Variants in LIFR observed in about 807,000 individuals in gnomAD.
LIFR encodes the protein leukemia inhibitory factor receptor.
Under a neutral mutation model 122.2 loss-of-function variants are expected in LIFR, and 84 were observed. The ratio of observed to expected loss-of-function variants is 0.69; its 90% CI spans 0.58 to 0.82. LIFR has a LOEUF of 0.82. LIFR is among the 40% of genes least tolerant of loss of function. The probability of loss-of-function intolerance (pLI) is 0.00; values close to 1 mark genes in which losing one functional copy is unlikely to be tolerated. For missense variants in LIFR, 1,294 were observed against 1,311.6 expected, an observed-to-expected ratio of 0.99 and a Z score of 0.21; for synonymous variants, 422 against 434.7, an observed-to-expected ratio of 0.97 and a Z score of 0.36.
chr5:38,515,700 G>T (rs1250692310), intron 5 of LIFR, among the ~76,000 whole-genome samples: 5 of 152,066 alleles, frequency 3.3e-5, no homozygotes, highest in Admixed American at 6.6e-5. Flanking sequence ...GTTATTTGGA[G>T]AAATGAAGAT....
At chr5:38,588,421 TTC>T (rs1749818398) in intron 1 of LIFR, among the ~76,000 whole-genome samples, 1 of 152,218 alleles carries the variant, frequency 6.6e-6, no homozygotes, top group Admixed American at 6.5e-5. Context: ...TGTCTAATCA[TTC>T]CCCGTGGCTT....
chr5:38,556,881 C>A (rs1354840980), upstream of LIFR: 1 of 151,702 alleles, frequency 6.6e-6, no homozygotes, highest in African/African-American at 2.4e-5. Context: ...GTGGTGAGGC[C>A]GCTCTCAGAA....
chr5:38,482,783 G>A, intron 18 of LIFR, 116 bp from the exon 19 acceptor site: 2 of 492,146 alleles, frequency 4.1e-6, no homozygotes, highest in South Asian at 7.7e-5. Context: ...GCACATCTGA[G>A]ATTAAAATGG....
intron 1 of LIFR, among the ~76,000 whole-genome samples, chr5:38,568,375 A>G (rs1183960407): frequency 6.6e-6 from 1 of 152,152 alleles, no homozygotes; most frequent in Non-Finnish European, 1.5e-5. Flanking sequence ...TGGGGGACCA[A>G]CAGGCACATG....
intron 7 of LIFR, among the ~76,000 whole-genome samples, chr5:38,507,574 A>AT (rs1466307390): frequency 6.6e-6 from 1 of 151,800 alleles, no homozygotes; most frequent in South Asian, 2.1e-4. Context: ...AAAAAAAAAA[A>AT]AAAAAAAAGT....
chr5:38,533,458 G>C (rs1006252322), intron 1 of LIFR, among the ~76,000 whole-genome samples: 1 of 152,142 alleles, frequency 6.6e-6, no homozygotes, highest in Non-Finnish European at 1.5e-5. Flanking sequence ...ACGGGCCCCT[G>C]AGCTTTTAAA....
intron 13 of LIFR, 117 bp from the exon 14 acceptor site, chr5:38,493,902 T>C: frequency 1.2e-6 from 1 of 824,110 alleles, no homozygotes; most frequent in East Asian, 2.6e-5. Context: ...TATAAAATAG[T>C]GCTCAAACTA....
rs560124949 is a variant in LIFR at position 38,480,130 on chromosome 5, C to CAA, written c.*1463_*1464dup. 6.9e-4 allele frequency: 156 copies of CAA among 225,208 alleles called. No homozygotes were observed. Among genetic ancestry groups the CAA allele is most frequent in the African/African-American group, 3.2e-3 (140 of 43,290 alleles). The allele number at this position is 225,208 out of a possible 1,614,324, so 14.0% of individuals were successfully genotyped here. ...AGATGATAAAAAACAAACAAACAACCAAAAAAAACAAACAAAAAAGACATA... is the reference window on the plus strand; with the variant it reads ...AGATGATAAAAAACAAACAAACAACCAAAAAAAAAACAAACAAAAAAGACATA... On this transcript the variant is annotated 3_prime_UTR_variant, in exon 20 of 20. Coordinates refer to ENST00000453190, the MANE Select transcript of LIFR (RefSeq NM_001127671.2).
At chr5:38,585,479 G>T (rs1749717491) in intron 1 of LIFR, among the ~76,000 whole-genome samples, 1 of 152,146 alleles carries the variant, frequency 6.6e-6, no homozygotes, top group Non-Finnish European at 1.5e-5. Context: ...AACATAATTT[G>T]GGCATAAAAG....
rs760139333 is a variant in LIFR, at chr5:38,489,117, C to T, written c.2296G>A (p.Gly766Arg). ...LRGYLFYFGK[G>R]ERDTSKMRVL... is the part of the protein sequence containing the mutation. The stretch of plus-strand genomic sequence containing the variant: ...CTCATCTTAGATGTGTCTCTTTCTC[C>T]TTTTCCAAAGTAAAACAAATATCCT... Residue 766 changes from glycine (G) to arginine (R), a missense_variant, in exon 16 of 20, where the codon GGA (glycine) becomes AGA (arginine). By Grantham distance (125) the Gly-to-Arg change is moderately radical. Coordinates refer to ENST00000453190, the MANE Select transcript of LIFR (RefSeq NM_001127671.2). 1.2e-6 allele frequency: 2 copies of T among 1,613,156 alleles called. No individual in the cohort carries two copies. Among genetic ancestry groups the T allele is most frequent in the Non-Finnish European group, 1.7e-6 (2 of 1,179,334 alleles).
At chr5:38,534,035 C>A (rs1176825389) in intron 1 of LIFR, among the ~76,000 whole-genome samples, 2 of 152,174 alleles carry the variant, frequency 1.3e-5, no homozygotes, top group Admixed American at 6.5e-5. Flanking sequence ...GAGTGGGTCA[C>A]CCATCCACAG....
upstream of LIFR, among the ~76,000 whole-genome samples, chr5:38,599,243 C>T (rs1301987468): frequency 6.6e-6 from 1 of 152,192 alleles, no homozygotes; most frequent in Non-Finnish European, 1.5e-5. Flanking sequence ...CCAAAGGCAG[C>T]ACCTAGCTCT....
chr5:38,588,356 A>T (rs1235611855), intron 1 of LIFR, among the ~76,000 whole-genome samples: 1 of 152,196 alleles, frequency 6.6e-6, no homozygotes, highest in Non-Finnish European at 1.5e-5. Context: ...GGGGAGAAGA[A>T]AGGGCTTGAG....
chr5:38,534,755 G>C (rs1747204177), intron 1 of LIFR, among the ~76,000 whole-genome samples: 1 of 152,174 alleles, frequency 6.6e-6, no homozygotes, highest in Admixed American at 6.5e-5. Context: ...CTTGCGGTGT[G>C]AGTGTGGACA....
chr5:38,484,690 CTTAT>C (rs1188870553), intron 18 of LIFR, 81 bp downstream of exon 18: 1 of 865,068 alleles, frequency 1.2e-6, no homozygotes, highest in Non-Finnish European at 1.9e-6. Context: ...AAAAGATACA[CTTAT>C]TTAATACATA....
intron 12 of LIFR, among the ~76,000 whole-genome samples, chr5:38,498,440 GCCAA>G (rs1745001117): frequency 6.6e-6 from 1 of 151,754 alleles, no homozygotes; most frequent in African/African-American, 2.4e-5. Context: ...TGTTTTCAGT[GCCAA>G]CCTCTCCCCT....
intron 12 of LIFR, among the ~76,000 whole-genome samples, chr5:38,498,120 C>A (rs182272432): frequency 3.4e-4 from 51 of 152,238 alleles, no homozygotes; most frequent in Middle Eastern, 3.4e-3. Context: ...TCTAACACTG[C>A]GAAACACTCT....
intron 1 of LIFR, among the ~76,000 whole-genome samples, chr5:38,586,596 A>G (rs562489656): frequency 3.4e-4 from 52 of 152,248 alleles, no homozygotes; most frequent in Admixed American, 2.4e-3. Flanking sequence ...AAGTGCTAAC[A>G]TGTAGATTCC....
intron 5 of LIFR, among the ~76,000 whole-genome samples, chr5:38,518,466 T>C (rs1746224284): frequency 6.6e-6 from 1 of 152,202 alleles, no homozygotes. Flanking sequence ...TATACCATGG[T>C]GATCCTATAA....
Sources: allele counts gnomAD v4.1 joint callset (sites outside exome capture counted in the v4.1 genomes callset), GRCh38; gene constraint gnomAD v4.1.1; transcripts MANE v1.5; gene names NCBI Gene and HGNC (gene_info 2026-07-23, HGNC 2026-07-21).